Variants in PLCE1 observed in about 807,000 individuals in gnomAD.
PLCE1 encodes 1-phosphatidylinositol 4,5-bisphosphate phosphodiesterase epsilon-1.
In PLCE1, 119 loss-of-function variants were observed where a neutral mutation model predicts 242.8. The observed-to-expected ratio is 0.49, with a 90% CI of 0.42 to 0.57. The LOEUF (loss-of-function observed/expected upper bound fraction) is 0.57. Ranked by LOEUF, PLCE1 falls within the 20% of genes least tolerant of loss-of-function variation. The pLI is 0.00. For missense variants in PLCE1, 2,441 were observed against 2,788.8 expected (o/e 0.88, Z 2.81); for synonymous variants, 945 against 1,017.4 (o/e 0.93, Z 1.35).
At chr10:94,309,966 C>T (rs966346529) in intron 27 of PLCE1, among the ~76,000 whole-genome samples, 3 of 152,142 alleles carry the variant, frequency 2.0e-5, no homozygotes, top group African/African-American at 7.2e-5. Flanking sequence ...TTTGAGGCTA[C>T]AGTGAGCTAT....
chr10:94,130,697 C>T (rs553404846), intron 2 of PLCE1, among the ~76,000 whole-genome samples: 2 of 152,352 alleles, frequency 1.3e-5, no homozygotes, highest in East Asian at 3.9e-4. Context: ...AAGAATCACA[C>T]TGTGCCTTCA....
At chr10:94,268,221 C>T (rs2051584748) in intron 16 of PLCE1, among the ~76,000 whole-genome samples, 1 of 152,156 alleles carries the variant, frequency 6.6e-6, no homozygotes, top group Non-Finnish European at 1.5e-5. Context: ...TTTTCTGGAG[C>T]ACTTTAATAA....
rs577528794 is a variant in PLCE1, at chr10:94,158,397, T to C, written c.1493-12783T>C. On this transcript the variant is annotated intron_variant, in intron 3 of 32. Coordinates refer to ENST00000371380, the MANE Select transcript of PLCE1 (RefSeq NM_016341.4). ...CTTACTGTGTGAATTTTGACTCAAG[T>C]ATTCCTTTTTACCCAATGTAATCAG... 5.9e-5 allele frequency among the ~76,000 whole-genome samples: 9 copies of C among 152,324 alleles called. No homozygotes were observed. The East Asian group carries it at 1.7e-3, about 29-fold the overall frequency.
intron 29 of PLCE1, among the ~76,000 whole-genome samples, chr10:94,320,067 G>A (rs918404091): frequency 6.6e-6 from 1 of 151,858 alleles, no homozygotes; most frequent in East Asian, 1.9e-4. Flanking sequence ...CTGGTTTTCT[G>A]ATTTCTTGCC....
At chr10:94,210,120 T>C (rs1351653262) in intron 4 of PLCE1, among the ~76,000 whole-genome samples, 2 of 152,090 alleles carry the variant, frequency 1.3e-5, no homozygotes, top group Admixed American at 6.6e-5. Flanking sequence ...TCGTTTGGTG[T>C]TTTTTTGTTT....
Position 94,298,642 on chromosome 10 carries a change from C to T in PLCE1, c.5431C>T (p.Leu1811Phe). The T allele has an allele frequency of 6.2e-7, 1 of 1,614,182 alleles. No homozygotes were observed. Among genetic ancestry groups the T allele is most frequent in the Middle Eastern group, 1.6e-4 (1 of 6,062 alleles). Residue 1811 changes from leucine (L) to phenylalanine (F), a missense_variant, in exon 24 of 33, where the codon CTT becomes TTT. Leu to Phe is a conservative substitution (Grantham distance 22). Around this residue, in one of 5 missense-constraint regions of PLCE1, gnomAD observed 1,004 missense variants for 1,322.7 expected, o/e 0.76. Coordinates refer to ENST00000371380, the MANE Select transcript of PLCE1 (RefSeq NM_016341.4). The surrounding 1 kb of genome is among the most constrained non-coding windows in gnomAD (Gnocchi z 5.2). ...CATGTTCTGGCTCCATGGGATACAG[C>T]TTGTGGCACTCAACTACCAGACTGA... ...PLMFWLHGIQLVALNYQTDDL... is the reference protein window; with the variant it reads ...PLMFWLHGIQFVALNYQTDDL...
In PLCE1 at chr10:94,319,864, C is replaced by CTTTTTTTT. The variant is rs58610099; in HGVS notation, c.6343-2021_6343-2014dup. On this transcript the variant is annotated intron_variant, in intron 29 of 32. Coordinates refer to ENST00000371380, the MANE Select transcript of PLCE1 (RefSeq NM_016341.4). ...GCTCTGAGGGAGGCTCAAAGGTGCT[C>CTTTTTTTT]TTTTTTTTTTTTTTTTTTTTTTTGA... Among the ~76,000 whole-genome samples the CTTTTTTTT allele has an allele frequency of 6.7e-4, 62 of 92,920 alleles. 2 individuals are homozygous for CTTTTTTTT. Among genetic ancestry groups the CTTTTTTTT allele is most frequent in the African/African-American group, 1.6e-3 (42 of 26,754 alleles). The allele number at this position is 92,920 out of a possible 152,430, so 61.0% of individuals were successfully genotyped here. A position where few individuals can be genotyped will look rare whatever the true frequency, so the allele number is the denominator to read the frequency against.
At chr10:94,190,117 T>A (rs2048611276) in intron 4 of PLCE1, among the ~76,000 whole-genome samples, 1 of 151,906 alleles carries the variant, frequency 6.6e-6, no homozygotes. Context: ...ACCCCATCTA[T>A]AAAAAAATAC....
chr10:94,239,079 A>T (rs730809), intron 7 of PLCE1, among the ~76,000 whole-genome samples: 2,395 of 152,280 alleles, frequency 0.016, 24 homozygotes, highest in South Asian at 0.039. Context: ...TTTTGTGAGG[A>T]TTATAAATTA....
At chr10:94,269,954 T>C (rs1480356984) in intron 17 of PLCE1, among the ~76,000 whole-genome samples, 2 of 152,210 alleles carry the variant, frequency 1.3e-5, no homozygotes, top group African/African-American at 4.8e-5. Context: ...TATTTTTATT[T>C]TACATGTAGA....
At chr10:94,104,370 T>C (rs2045650929) in intron 2 of PLCE1, 1 of 152,242 alleles carries the variant, frequency 6.6e-6, no homozygotes, top group African/African-American at 2.4e-5. Flanking sequence ...TTAGTAGTGT[T>C]GCCAATTTCT....
chr10:94,083,397 C>G (rs900097956), intron 2 of PLCE1, among the ~76,000 whole-genome samples: 6 of 152,004 alleles, frequency 3.9e-5, no homozygotes, highest in African/African-American at 1.4e-4. Flanking sequence ...TTTTTGGGGC[C>G]CACAACATAT....
At chr10:94,325,432 C>T (rs1388299833) in intron 32 of PLCE1, 2 of 273,866 alleles carry the variant, frequency 7.3e-6, no homozygotes, top group Non-Finnish European at 1.4e-5. Flanking sequence ...CCCGTCTCTA[C>T]TAAAAATACA....
At chr10:94,115,461 A>G (rs2046093971) in intron 2 of PLCE1, among the ~76,000 whole-genome samples, 2 of 152,122 alleles carry the variant, frequency 1.3e-5, no homozygotes, top group African/African-American at 2.4e-5. Context: ...TGGCCATTCT[A>G]ACTGGTGTGA....
intron 2 of PLCE1, among the ~76,000 whole-genome samples, chr10:94,056,979 T>C (rs974083276): frequency 3.3e-5 from 5 of 152,218 alleles, no homozygotes; most frequent in African/African-American, 1.2e-4. Flanking sequence ...CATATGTTAG[T>C]ACTTCACTAC....
chr10:94,283,958 C>G, intron 21 of PLCE1, 47 bp downstream of exon 21: 1 of 1,597,572 alleles, frequency 6.3e-7, no homozygotes. Context: ...ATGTGGTACT[C>G]TTGTCAGTTT....
chr10:94,277,507 C>A (rs1310595379), intron 19 of PLCE1, among the ~76,000 whole-genome samples: 1 of 152,142 alleles, frequency 6.6e-6, no homozygotes, highest in Non-Finnish European at 1.5e-5. Context: ...ATCTTGGGGG[C>A]CTTGGCACTC....
chr10:94,034,875 C>T (rs1484121589), intron 2 of PLCE1, among the ~76,000 whole-genome samples: 1 of 152,132 alleles, frequency 6.6e-6, no homozygotes, highest in Admixed American at 6.6e-5. Context: ...GGAATATTTG[C>T]CTTTCCCTAA....
intron 18 of PLCE1, among the ~76,000 whole-genome samples, chr10:94,272,585 A>G (rs148377701): frequency 6.6e-6 from 1 of 152,304 alleles, no homozygotes; most frequent in Non-Finnish European, 1.5e-5. Context: ...TGAAGTAAAG[A>G]CAGGCATAAG....
Sources: gnomAD v4.1 joint callset for allele counts (sites outside exome capture counted in the v4.1 genomes callset) on GRCh38, gnomAD v4.1.1 for gene constraint, gnomAD v4.1.1 regional missense constraint, Gnocchi (gnomAD v3.1) non-coding constraint, MANE v1.5 for transcripts, NCBI Gene and HGNC (gene_info 2026-07-23, HGNC 2026-07-21) for gene names.